The following SPOCK1 variants were observed in gnomAD, a reference collection of about 807,000 sequenced individuals.
SPOCK1 encodes testican-1.
SPOCK1 carries 23 observed loss-of-function variants against 55.3 expected under a neutral mutation model. The ratio of observed to expected loss-of-function variants is 0.42; its 90% confidence interval spans 0.30 to 0.59. The LOEUF is 0.59. SPOCK1 is among the 20% of genes least tolerant of loss of function. SPOCK1 has a pLI of 0.22. For missense variants in SPOCK1, 499 were observed against 552.5 expected, an observed-to-expected ratio of 0.90 and a Z score of 0.97; for synonymous variants, 226 against 221.0, an observed-to-expected ratio of 1.02 and a Z score of -0.20.
At chr5:137,471,091 T>C (rs1753729759) in intron 2 of SPOCK1, among the ~76,000 whole-genome samples, 1 of 152,130 alleles carries the variant, frequency 6.6e-6, no homozygotes, top group Non-Finnish European at 1.5e-5. Flanking sequence ...TCACTAAACG[T>C]TGGCATTATT....
chr5:137,067,130 T>C (rs1253342846), intron 6 of SPOCK1, among the ~76,000 whole-genome samples: 1 of 152,172 alleles, frequency 6.6e-6, no homozygotes, highest in East Asian at 1.9e-4. Context: ...CTGAGACCAG[T>C]GGGACAACAT....
At chr5:137,498,291 C>CACAT (rs1754342976) in intron 2 of SPOCK1, 82 bp downstream of exon 2, 1 of 1,366,238 alleles carries the variant, frequency 7.3e-7, no homozygotes, top group African/African-American at 1.5e-5. Flanking sequence ...CACACACACA[C>CACAT]ACACACACAC....
chr5:137,316,302 A>C (rs1299404617), intron 2 of SPOCK1, among the ~76,000 whole-genome samples: 1 of 152,244 alleles, frequency 6.6e-6, no homozygotes, highest in Non-Finnish European at 1.5e-5. Context: ...CAAATGAGCA[A>C]CACCTGAATT....
intron 2 of SPOCK1, among the ~76,000 whole-genome samples, chr5:137,456,626 C>T (rs1294296195): frequency 6.6e-6 from 1 of 152,098 alleles, no homozygotes; most frequent in Non-Finnish European, 1.5e-5. Context: ...ACAATTATCA[C>T]CACTGGGAAT....
intron 3 of SPOCK1, among the ~76,000 whole-genome samples, chr5:137,155,223 A>T (rs1338875717): frequency 6.6e-6 from 1 of 152,206 alleles, no homozygotes; most frequent in Non-Finnish European, 1.5e-5. Context: ...TTTCTCCACC[A>T]GGTCATCTTT....
chr5:137,120,286 G>T (rs1753662011), intron 4 of SPOCK1, among the ~76,000 whole-genome samples: 1 of 152,094 alleles, frequency 6.6e-6, no homozygotes. Context: ...CCCAAGCCAG[G>T]TTTCTTAAGC....
In SPOCK1 at chr5:137,017,036, G is replaced by T. The variant is rs74404768; in HGVS notation, c.590-24436C>A. 2.3e-3 allele frequency among the ~76,000 whole-genome samples: 345 copies of T among 152,346 alleles called. 2 individuals are homozygous for T. The highest frequency in any genetic ancestry group is 8.0e-3 in the African/African-American group (332 of 41,584). ...ACTCGAGGCCCTGCAGCATGCTGTG[G>T]CCCCCACAGTTCTCCTCCCCTGTTC... On this transcript the variant is annotated intron_variant, in intron 6 of 10. Coordinates refer to ENST00000394945, the MANE Select transcript of SPOCK1 (RefSeq NM_004598.4).
intron 6 of SPOCK1, among the ~76,000 whole-genome samples, chr5:137,058,204 A>G (rs1449429024): frequency 1.3e-5 from 2 of 152,144 alleles, no homozygotes; most frequent in Non-Finnish European, 2.9e-5. Flanking sequence ...GTGGACATTG[A>G]ATTTAGGTTA....
chr5:137,398,833 G>A (rs1432545387), intron 2 of SPOCK1, among the ~76,000 whole-genome samples: 1 of 152,164 alleles, frequency 6.6e-6, no homozygotes, highest in Admixed American at 6.5e-5. Context: ...TATGGAAGAT[G>A]CCAAATGCAC....
chr5:137,440,403 G>A (rs932045222), intron 2 of SPOCK1, among the ~76,000 whole-genome samples: 2 of 152,226 alleles, frequency 1.3e-5, no homozygotes, highest in African/African-American at 4.8e-5. Context: ...TGGTAGGGAA[G>A]AGTATGTACA....
chr5:137,157,368 A>C (rs983880200), intron 3 of SPOCK1, among the ~76,000 whole-genome samples: 1 of 152,190 alleles, frequency 6.6e-6, no homozygotes, highest in African/African-American at 2.4e-5. Flanking sequence ...AGGCTGTGTC[A>C]TTATTCTTCC....
chr5:137,446,608 A>G (rs1178910777), intron 2 of SPOCK1, among the ~76,000 whole-genome samples: 1 of 152,232 alleles, frequency 6.6e-6, no homozygotes, highest in African/African-American at 2.4e-5. Flanking sequence ...CAAGACGGGC[A>G]CAAGTCAACA....
chr5:137,219,097 T>C (rs914552354), intron 3 of SPOCK1, among the ~76,000 whole-genome samples: 1 of 152,180 alleles, frequency 6.6e-6, no homozygotes, highest in African/African-American at 2.4e-5. Flanking sequence ...TCCAAATAGA[T>C]GACGGCTGCC....
chr5:137,302,420 A>AAT (rs1441820532), intron 2 of SPOCK1, among the ~76,000 whole-genome samples: 1 of 150,094 alleles, frequency 6.7e-6, no homozygotes, highest in African/African-American at 2.4e-5. Context: ...ATACAAAAAA[A>AAT]AAAAAAATTA....
At chr5:136,982,732 T>G (rs1750755148) in intron 9 of SPOCK1, among the ~76,000 whole-genome samples, 1 of 152,132 alleles carries the variant, frequency 6.6e-6, no homozygotes, top group South Asian at 2.1e-4. Context: ...CTTAGCAGAA[T>G]TGTCATTTCT....
At chr5:137,335,650 G>C (rs555064323) in intron 2 of SPOCK1, among the ~76,000 whole-genome samples, 18 of 152,276 alleles carry the variant, frequency 1.2e-4, no homozygotes, top group African/African-American at 4.1e-4. Flanking sequence ...AAGATTTAAG[G>C]CCTCCCTCTT....
chr5:137,492,176 GCACATAACCCAGACTTGGA>G (rs1173066206), intron 2 of SPOCK1, among the ~76,000 whole-genome samples: 2 of 152,108 alleles, frequency 1.3e-5, no homozygotes, highest in East Asian at 1.9e-4. Context: ...CCAGCCCTGG[GCACATAACCCAGACTTGGA>G]CACATAACCC....
chr5:137,196,760 A>T (rs1176031355), intron 3 of SPOCK1, among the ~76,000 whole-genome samples: 1 of 152,186 alleles, frequency 6.6e-6, no homozygotes, highest in East Asian at 1.9e-4. Context: ...AATGTTTCCC[A>T]CTGAACTATA....
chr5:136,980,578 T>A (rs1219937169), intron 9 of SPOCK1, among the ~76,000 whole-genome samples: 3 of 152,140 alleles, frequency 2.0e-5, no homozygotes, highest in Non-Finnish European at 4.4e-5. Flanking sequence ...GATCTGATAG[T>A]TTTGTAAAGG....
Sources: gnomAD v4.1 joint callset for allele counts (sites outside exome capture counted in the v4.1 genomes callset) on GRCh38, gnomAD v4.1.1 for gene constraint, MANE v1.5 for transcripts, NCBI Gene and HGNC (gene_info 2026-07-23, HGNC 2026-07-21) for gene names.